Variants in GPD1 observed in about 807,000 individuals in gnomAD.
GPD1 encodes the protein glycerol-3-phosphate dehydrogenase [NAD(+)], cytoplasmic.
A neutral mutation model predicts 34.4 loss-of-function variants in GPD1; 19 were observed. The ratio of observed to expected loss-of-function variants is 0.55; its 90% CI spans 0.39 to 0.81. The LOEUF (loss-of-function observed/expected upper bound fraction) is 0.81, where lower values mean the gene tolerates loss of function less well. Ranked by LOEUF, GPD1 falls within the 30% of genes least tolerant of loss-of-function variation. The pLI, the probability that GPD1 is intolerant of heterozygous loss-of-function variation, is 0.00. For missense variants in GPD1, 429 were observed against 447.0 expected (o/e 0.96, Z 0.36); for synonymous variants, 172 against 174.1 (o/e 0.99, Z 0.09).
chr12:50,105,043 G>T, intron 2 of GPD1: 1 of 432,150 alleles, frequency 2.3e-6, no homozygotes, highest in Non-Finnish European at 4.2e-6. Context: ...CCTGCCTCCG[G>T]CACTAATCCT....
At chr12:50,107,836 T>G (rs766270148) in intron 6 of GPD1, 36 bp downstream of exon 6, 1 of 1,438,294 alleles carries the variant, frequency 7.0e-7, no homozygotes, top group Non-Finnish European at 9.8e-7. Flanking sequence ...GAGGGGCGGC[T>G]CTGTAGGCAT....
At position 50,110,003 on chromosome 12, in the gene GPD1, A is replaced by G. The variant is rs538096407; in HGVS notation, c.*484A>G. ...GGCTTCTGAGCTGATGCAGGCCCCAAGGACCCCTTTGCTGACCTCTGCCAG... is the reference window on the plus strand; with the variant it reads ...GGCTTCTGAGCTGATGCAGGCCCCAGGGACCCCTTTGCTGACCTCTGCCAG... On this transcript the variant is annotated 3_prime_UTR_variant, in exon 8 of 8. Transcript: ENST00000301149. The G allele has an allele frequency of 3.1e-4, 49 of 155,662 alleles. No individual in the cohort carries two copies. The highest frequency in any genetic ancestry group is 4.9e-4 in the Non-Finnish European group (34 of 70,000). 9.6% of individuals were successfully genotyped at this position (155,662 alleles called of 1,614,324 possible). A position where few individuals can be genotyped will look rare whatever the true frequency, so the allele number is the denominator to read the frequency against.
rs949962780 is a variant in GPD1 at position 50,110,017 on chromosome 12, G to A, written c.*498G>A. On this transcript the variant is annotated 3_prime_UTR_variant, in exon 8 of 8. Coordinates refer to ENST00000301149, the MANE Select transcript of GPD1 (RefSeq NM_005276.4). ...TGCAGGCCCCAAGGACCCCTTTGCTGACCTCTGCCAGGACCCACACAGCTT... is the reference window on the plus strand; with the variant it reads ...TGCAGGCCCCAAGGACCCCTTTGCTAACCTCTGCCAGGACCCACACAGCTT... 1 of 154,598 alleles carries A rather than the reference G, an allele frequency of 6.5e-6. No homozygotes were observed. Among genetic ancestry groups the A allele is most frequent in the African/African-American group, 2.4e-5 (1 of 41,482 alleles). 9.6% of individuals were successfully genotyped at this position (154,598 alleles called of 1,614,324 possible).
rs906624787 is a variant in GPD1, at chr12:50,111,271, C to G, written c.*1752C>G. On this transcript the variant is annotated 3_prime_UTR_variant, in exon 8 of 8. Transcript: ENST00000301149. This position sits in a 1 kb window ranked among gnomAD's most constrained non-coding sequence, Gnocchi z 4.1. Reference sequence around the variant, plus strand: ...TGCACTGTGACTCAGGCCTTCCCATCAGGCCTATTTGTCTACCCAATAAAG... The same window carrying G: ...TGCACTGTGACTCAGGCCTTCCCATGAGGCCTATTTGTCTACCCAATAAAG... The G allele has an allele frequency of 1.3e-5, 2 of 152,244 alleles. No homozygotes were observed. The highest frequency in any genetic ancestry group is 4.8e-5 in the African/African-American group (2 of 41,454). 9.4% of individuals were successfully genotyped at this position (152,244 alleles called of 1,614,324 possible).
At chr12:50,104,221 G>T in intron 1 of GPD1, 130 bp downstream of exon 1, 1 of 910,868 alleles carries the variant, frequency 1.1e-6, no homozygotes, top group Non-Finnish European at 1.8e-6. Flanking sequence ...TATCATAGCA[G>T]CACAGGACAG....
chr12:50,106,783 C>G lies in GPD1; in HGVS notation c.500-22C>G, dbSNP rs745410678. ...TTTAAAAAGAGTCCTTCCCTCAAAG[C>G]CTTGCCCCCTCCTCACTTTAGGCTG... is the stretch of plus-strand genomic sequence containing the variant. On this transcript the variant is annotated intron_variant, in intron 4 of 7. Coordinates refer to ENST00000301149, the MANE Select transcript of GPD1 (RefSeq NM_005276.4). 8 of 1,359,552 alleles carry G rather than the reference C, an allele frequency of 5.9e-6. No homozygotes were observed. In the Admixed American group the frequency reaches 1.6e-4, roughly 27 times the overall value. 84.2% of individuals were successfully genotyped at this position (1,359,552 alleles called of 1,614,324 possible).
chr12:50,105,813 G>A, intron 3 of GPD1, 125 bp downstream of exon 3: 1 of 988,584 alleles, frequency 1.0e-6, no homozygotes, highest in Non-Finnish European at 1.6e-6. Flanking sequence ...AGAAAAGAGA[G>A]GCAGTTGGCT....
Position 50,107,812 on chromosome 12 carries a change from G to A in GPD1, c.846+12G>A, listed in dbSNP as rs762953971. 1.4e-5 allele frequency: 22 copies of A among 1,585,478 alleles called. No individual in the cohort carries two copies. Among genetic ancestry groups the A allele is most frequent in the Admixed American group, 3.3e-5 (2 of 59,998 alleles). Reference sequence around the variant, plus strand: ...CGCGTACAGGAAAGGTGGGCCCCGGGAGAAGGGAGAACAGAGGGGCGGCTC... The same window carrying A: ...CGCGTACAGGAAAGGTGGGCCCCGGAAGAAGGGAGAACAGAGGGGCGGCTC... On this transcript the variant is annotated intron_variant, in intron 6 of 7. Coordinates refer to ENST00000301149, the MANE Select transcript of GPD1 (RefSeq NM_005276.4).
rs770355976 is a variant in GPD1, at chr12:50,108,149, C to G, written c.953+19C>G. On this transcript the variant is annotated intron_variant, in intron 7 of 7. Coordinates refer to ENST00000301149, the MANE Select transcript of GPD1 (RefSeq NM_005276.4). The stretch of plus-strand genomic sequence containing the variant: ...TAGACAAGTAAGTATTGGCCACAGC[C>G]CCACTGATTAAGGGAGCCACAGCCA... 212 of 1,385,724 alleles carry G rather than the reference C, an allele frequency of 1.5e-4. 4 individuals are homozygous for G. In the Middle Eastern group the frequency reaches 0.016, roughly 104 times the overall value. 85.8% of individuals were successfully genotyped at this position (1,385,724 alleles called of 1,614,324 possible). A position where few individuals can be genotyped will look rare whatever the true frequency, so the allele number is the denominator to read the frequency against.
rs200991139 is a variant in GPD1 at position 50,106,817 on chromosome 12, C to A, written c.512C>A (p.Pro171Gln). 1 of 1,600,072 alleles carries A rather than the reference C, an allele frequency of 6.2e-7. No homozygotes were observed. Among genetic ancestry groups the A allele is most frequent in the Admixed American group, 1.7e-5 (1 of 59,062 alleles). Residue 171 changes from proline (P) to glutamine (Q), a missense_variant, in exon 5 of 8, where the codon CCG (proline) becomes CAG (glutamine). Pro to Gln is a moderately conservative substitution (Grantham distance 76). Transcript: ENST00000301149. ...FCETTIGCKDPAQGQLLKELM... is the reference protein window; with the variant it reads ...FCETTIGCKDQAQGQLLKELM... ...CTCCTCACTTTAGGCTGCAAGGACC[C>A]GGCCCAGGGACAACTCCTGAAAGAG... is the stretch of plus-strand genomic sequence containing the variant.
Position 50,111,136 on chromosome 12 carries a change from T to C in GPD1, c.*1617T>C, listed in dbSNP as rs983080967. On this transcript the variant is annotated 3_prime_UTR_variant, in exon 8 of 8. Coordinates refer to ENST00000301149, the MANE Select transcript of GPD1 (RefSeq NM_005276.4). This position sits in a 1 kb window ranked among gnomAD's most constrained non-coding sequence, Gnocchi z 4.1. ...TGAGGGGCACAGTCACCCCAGGCCT[T>C]GCTGAGCCCAGGTCTGGGTACTGAG... 2.6e-5 allele frequency: 4 copies of C among 152,266 alleles called. No homozygotes were observed. Among genetic ancestry groups the C allele is most frequent in the African/African-American group, 9.7e-5 (4 of 41,446 alleles). The allele number at this position is 152,266 out of a possible 1,614,324, so 9.4% of individuals were successfully genotyped here. A position where few individuals can be genotyped will look rare whatever the true frequency, so the allele number is the denominator to read the frequency against.
chr12:50,109,864 G>A lies in GPD1; in HGVS notation c.*345G>A, dbSNP rs1221507705. The A allele has an allele frequency of 1.1e-5, 3 of 261,908 alleles. No individual in the cohort carries two copies. The highest frequency in any genetic ancestry group is 2.3e-5 in the Non-Finnish European group (3 of 132,370). 16.2% of individuals were successfully genotyped at this position (261,908 alleles called of 1,614,324 possible). ...TGGAGAAGGGTTGGGGGAGAGGCCG[G>A]TAGGGCAGGGGCTGCTAGTGGCTGT... On this transcript the variant is annotated 3_prime_UTR_variant, in exon 8 of 8. Coordinates refer to ENST00000301149, the MANE Select transcript of GPD1 (RefSeq NM_005276.4).
chr12:50,105,835 T>C (rs1236304761), intron 3 of GPD1, 147 bp downstream of exon 3: 2 of 837,780 alleles, frequency 2.4e-6, no homozygotes, highest in Non-Finnish European at 3.9e-6. Flanking sequence ...TGGAGAGGCT[T>C]AGGAAAGCAG....
chr12:50,104,381 G>T, intron 1 of GPD1, 193 bp from the exon 2 acceptor site: 1 of 710,972 alleles, frequency 1.4e-6, no homozygotes, highest in Non-Finnish European at 2.6e-6. Context: ...TAGTAGCAAA[G>T]GGTGAGGAGA....
intron 5 of GPD1, chr12:50,107,346 G>C: frequency 1.4e-6 from 1 of 690,930 alleles, no homozygotes; most frequent in Non-Finnish European, 2.6e-6. Context: ...GAGAAGAGTG[G>C]TTTTCAGAAA....
Position 50,108,131 on chromosome 12 carries a change from G to A in GPD1, c.953+1G>A, listed in dbSNP as rs1592303371. 2 of 1,546,656 alleles carry A rather than the reference G, an allele frequency of 1.3e-6. No individual in the cohort carries two copies. The highest frequency in any genetic ancestry group is 1.7e-4 in the Middle Eastern group (1 of 5,954). On this transcript the variant is annotated splice_donor_variant, in intron 7 of 7. Transcript: ENST00000301149. LOFTEE classifies it high-confidence loss of function. Reference sequence around the variant, plus strand: ...TCCAGCACAAGGGCCTGGTAGACAAGTAAGTATTGGCCACAGCCCCACTGA... The same window carrying A: ...TCCAGCACAAGGGCCTGGTAGACAAATAAGTATTGGCCACAGCCCCACTGA...
intron 2 of GPD1, chr12:50,105,054 G>C (rs963150849): frequency 1.7e-5 from 7 of 402,014 alleles, no homozygotes; most frequent in Middle Eastern, 7.0e-4. Flanking sequence ...CACTAATCCT[G>C]TTACTCATTC....
intron 3 of GPD1, 148 bp downstream of exon 3, chr12:50,105,836 AG>A (rs1345624565): frequency 7.3e-6 from 6 of 824,756 alleles, no homozygotes; most frequent in Non-Finnish European, 1.2e-5. Flanking sequence ...GGAGAGGCTT[AG>A]GAAAGCAGTG....
chr12:50,107,217 A>G, intron 5 of GPD1: 1 of 651,886 alleles, frequency 1.5e-6, no homozygotes, highest in Non-Finnish European at 2.8e-6. Flanking sequence ...GCCCAGGCTA[A>G]TGGGAGACAA....
Sources: allele counts gnomAD v4.1 joint callset, GRCh38; gene constraint gnomAD v4.1.1; non-coding constraint Gnocchi (gnomAD v3.1); transcripts MANE v1.5; gene names NCBI Gene and HGNC (gene_info 2026-07-23, HGNC 2026-07-21).